The following GPRASP3 variants were observed in gnomAD, a reference collection of about 807,000 sequenced individuals.
The protein encoded by GPRASP3 is G protein-coupled receptor associated sorting protein 3.
chrX:102,741,041 G>C, the GPRASP3 span, among the ~76,000 whole-genome samples: 1 of 111,540 alleles, frequency 9.0e-6, no homozygotes, highest in Non-Finnish European at 1.9e-5. Flanking sequence ...AATATGTTAA[G>C]GGTAACAAGT....
the GPRASP3 span, chrX:102,750,246 G>T: frequency 8.3e-7 from 1 of 1,198,454 alleles, no homozygotes; most frequent in Admixed American, 2.3e-5. Context: ...CATTTCCTTT[G>T]AACTCACCGG....
chrX:102,727,571 TGCAAAAATGGCATCCTTTTA>T, the GPRASP3 span, among the ~76,000 whole-genome samples: 3 of 112,234 alleles, frequency 2.7e-5, no homozygotes, highest in African/African-American at 3.2e-5. Flanking sequence ...GTGGCAACTA[TGCAAAAATGGCATCCTTTTA>T]GTAAAGGGTT....
the GPRASP3 span, among the ~76,000 whole-genome samples, chrX:102,744,902 C>T: frequency 2.7e-5 from 3 of 111,785 alleles, no homozygotes; most frequent in African/African-American, 9.8e-5. Context: ...GCTGAGAATA[C>T]AGTGGGGAAC....
chrX:102,739,759 A>G, the GPRASP3 span, among the ~76,000 whole-genome samples: 1 of 112,026 alleles, frequency 8.9e-6, no homozygotes, highest in South Asian at 3.8e-4. Context: ...TGGAGTTCCA[A>G]TTAGTGTTCT....
At chrX:102,721,902 C>T in the GPRASP3 span, among the ~76,000 whole-genome samples, 2 of 111,502 alleles carry the variant, frequency 1.8e-5, no homozygotes, top group Non-Finnish European at 3.8e-5. Context: ...TCTTTCACAT[C>T]GAGTATCCTC....
the GPRASP3 span, among the ~76,000 whole-genome samples, chrX:102,728,084 C>G: frequency 8.9e-6 from 1 of 111,789 alleles, no homozygotes; most frequent in Non-Finnish European, 1.9e-5. Flanking sequence ...TTAATGTAAA[C>G]TATAGATTCT....
the GPRASP3 span, among the ~76,000 whole-genome samples, chrX:102,735,610 G>A: frequency 4.5e-5 from 5 of 110,155 alleles, no homozygotes; most frequent in Non-Finnish European, 9.5e-5. Context: ...GGGTTTCACC[G>A]TGTTAGCCAG....
At chrX:102,735,333 A>C in the GPRASP3 span, among the ~76,000 whole-genome samples, 1 of 111,763 alleles carries the variant, frequency 8.9e-6, no homozygotes, top group Non-Finnish European at 1.9e-5. Flanking sequence ...CTTTTATTCC[A>C]ATGTTCAACT....
chrX:102,721,492 A>G, the GPRASP3 span, among the ~76,000 whole-genome samples: 2 of 111,428 alleles, frequency 1.8e-5, no homozygotes, highest in Non-Finnish European at 1.9e-5. Flanking sequence ...AGAGGAATGA[A>G]CCTCAATCCC....
chrX:102,730,956 G>C, the GPRASP3 span, among the ~76,000 whole-genome samples: 1 of 112,201 alleles, frequency 8.9e-6, no homozygotes, highest in African/African-American at 3.2e-5. Context: ...ATGAAAAAAA[G>C]AACTGAACAT....
the GPRASP3 span, chrX:102,748,782 T>G: frequency 5.7e-6 from 2 of 350,886 alleles, no homozygotes; most frequent in Non-Finnish European, 1.0e-5. Context: ...GAACAATCAT[T>G]CTCCCCCAGC....
At chrX:102,721,275 TG>T in the GPRASP3 span, among the ~76,000 whole-genome samples, 1 of 111,219 alleles carries the variant, frequency 9.0e-6, no homozygotes, top group Admixed American at 9.5e-5. Context: ...TGAACACCTG[TG>T]GTGCTGGATC....
chrX:102,750,705 C>T, the GPRASP3 span: 6 of 864,278 alleles, frequency 6.9e-6, no homozygotes, highest in Admixed American at 3.5e-5. Flanking sequence ...TTACAGTGTA[C>T]ACATTATACA....
chrX:102,745,767 G>C, the GPRASP3 span, among the ~76,000 whole-genome samples: 8,549 of 110,488 alleles, frequency 0.077, 314 homozygotes, highest in East Asian at 0.21. Context: ...CCAGCCGCCC[G>C]CCCGTCCCTA....
the GPRASP3 span, chrX:102,749,449 G>T: frequency 8.3e-7 from 1 of 1,211,919 alleles, no homozygotes; most frequent in Non-Finnish European, 1.1e-6. Context: ...TGAGGAGTTG[G>T]AACCTGCGGC....
chrX:102,742,349 G>T, the GPRASP3 span, among the ~76,000 whole-genome samples: 1 of 111,480 alleles, frequency 9.0e-6, no homozygotes, highest in Non-Finnish European at 1.9e-5. Context: ...GGACCTTCTT[G>T]CCTGGGGACC....
At chrX:102,723,150 C>T in the GPRASP3 span, among the ~76,000 whole-genome samples, 2 of 111,591 alleles carry the variant, frequency 1.8e-5, no homozygotes, top group African/African-American at 6.5e-5. Context: ...AAAAATAACT[C>T]ATTTCAAATT....
At chrX:102,735,922 T>C in the GPRASP3 span, among the ~76,000 whole-genome samples, 1 of 112,614 alleles carries the variant, frequency 8.9e-6, no homozygotes, top group Non-Finnish European at 1.9e-5. Flanking sequence ...CAAATACATG[T>C]TACACTGTTG....
At chrX:102,730,359 C>T in the GPRASP3 span, among the ~76,000 whole-genome samples, 2 of 112,205 alleles carry the variant, frequency 1.8e-5, no homozygotes, top group Non-Finnish European at 3.8e-5. Context: ...ACTGGCTAGC[C>T]CGCCACTCAC....
Sources: gnomAD v4.1 joint callset for allele counts (sites outside exome capture counted in the v4.1 genomes callset) on GRCh38, gnomAD v4.1.1 for gene constraint, MANE v1.5 for transcripts, NCBI Gene and HGNC (gene_info 2026-07-23, HGNC 2026-07-21) for gene names.